The following MYO1F variants were observed in gnomAD, a reference collection of about 807,000 sequenced individuals.
MYO1F encodes the protein unconventional myosin-If.
A neutral mutation model predicts 146.6 loss-of-function variants in MYO1F; 60 were observed. The ratio of observed to expected loss-of-function variants is 0.41; its 90% confidence interval spans 0.33 to 0.51. MYO1F has a LOEUF of 0.51. Ranked by LOEUF, MYO1F falls within the 20% of genes least tolerant of loss-of-function variation. The probability of loss-of-function intolerance (pLI) is 0.25; values close to 1 mark genes in which losing one functional copy is unlikely to be tolerated. For synonymous variants in MYO1F, 602 were observed against 602.1 expected (o/e 1.00, Z 0.00); for missense variants, 1,274 against 1,534.3 (o/e 0.83, Z 2.83).
intron 21 of MYO1F, among the ~76,000 whole-genome samples, chr19:8,529,476 T>C (rs1192369006): frequency 6.6e-6 from 1 of 152,050 alleles, no homozygotes; most frequent in African/African-American, 2.4e-5. Flanking sequence ...ATGCCAAGCA[T>C]GAATGCACGG....
In MYO1F at chr19:8,536,541, G is replaced by A. The variant is rs1212225580; in HGVS notation, c.1856C>T (p.Ala619Val). The change falls in exon 18 of 28, where the codon GCC becomes GTC. Residue 619 changes from alanine (A) to valine (V), a missense_variant. Ala to Val is a moderately conservative substitution (Grantham distance 64). Coordinates refer to ENST00000644032, the MANE Select transcript of MYO1F (RefSeq NM_012335.4). The part of the protein sequence containing the change: ...GLKENIRVRR[A>V]GFAYRRQFAK... ...GAACTGGCGGCGGTAGGCGAAGCCG[G>A]CTCTGCGCACCCTGATGTTCTCCTT... 1.2e-6 allele frequency: 2 copies of A among 1,612,414 alleles called. No homozygotes were observed. Among genetic ancestry groups the A allele is most frequent in the African/African-American group, 1.3e-5 (1 of 74,418 alleles).
Position 8,577,314 on chromosome 19 carries a change from G to C in MYO1F, c.-5C>G, listed in dbSNP as rs1287242053. On this transcript the variant is annotated 5_prime_UTR_variant, in exon 1 of 28. Transcript: ENST00000644032. The surrounding 1 kb of genome is among the most constrained non-coding windows in gnomAD (Gnocchi z 4.3). ...CACCCTTGAAGGACTTACCATGGTG[G>C]GGGGCTGGTGTCTGGGCTCCTGGAG... 7.4e-6 allele frequency: 12 copies of C among 1,613,874 alleles called. No homozygotes were observed. The Admixed American group carries it at 8.3e-5, about 11-fold the overall frequency.
chr19:8,529,017 T>C (rs1972378299), intron 21 of MYO1F, among the ~76,000 whole-genome samples: 1 of 152,128 alleles, frequency 6.6e-6, no homozygotes, highest in African/African-American at 2.4e-5. Flanking sequence ...TGAGAGGGCA[T>C]ACCTGCCACA....
intron 19 of MYO1F, among the ~76,000 whole-genome samples, chr19:8,532,096 C>T (rs1040376247): frequency 3.3e-5 from 5 of 150,636 alleles, no homozygotes; most frequent in Admixed American, 2.7e-4. Flanking sequence ...CCAGCCTGGG[C>T]GACAGAGTGA....
At chr19:8,532,903 T>TAC (rs60799506) in intron 19 of MYO1F, among the ~76,000 whole-genome samples, 11,708 of 112,558 alleles carry the variant, frequency 0.1, 830 homozygotes, top group Middle Eastern at 0.22. Flanking sequence ...AAAAAAAAAA[T>TAC]ACACACACAC....
At chr19:8,543,313 G>A (rs912658497) in intron 14 of MYO1F, among the ~76,000 whole-genome samples, 1 of 152,162 alleles carries the variant, frequency 6.6e-6, no homozygotes, top group Non-Finnish European at 1.5e-5. Flanking sequence ...GGGGCTGCGG[G>A]CATGGTTAGA....
rs755770493 is a variant in MYO1F, at chr19:8,530,274, G to C, written c.2250C>G (p.Pro750=). ...TCTTGCCCAGGAACTGACGCAGCTC[G>C]GGCCGCTCCTCCAGCCCCAGGTAGT... ...VGDYLGLEER[P]ELRQFLGKRE... is the part of the protein sequence containing the mutation. The change falls in exon 21 of 28, where the codon CCC becomes CCG. Residue 750 remains proline (P), a synonymous_variant. Transcript: ENST00000644032. The surrounding 1 kb of genome is among the most constrained non-coding windows in gnomAD (Gnocchi z 5.8). 1.4e-5 allele frequency: 22 copies of C among 1,614,108 alleles called. No individual in the cohort carries two copies. The highest frequency in any genetic ancestry group is 8.0e-5 in the African/African-American group (6 of 75,022).
At chr19:8,532,949 C>CACAA (rs1568337800) in intron 19 of MYO1F, among the ~76,000 whole-genome samples, 32 of 139,386 alleles carry the variant, frequency 2.3e-4, no homozygotes, top group African/African-American at 8.0e-4. Context: ...CACACACACA[C>CACAA]AATTGGGCTT....
chr19:8,556,887 CAA>C (rs534645939), intron 1 of MYO1F, among the ~76,000 whole-genome samples: 1,218 of 68,808 alleles, frequency 0.018, 7 homozygotes, highest in African/African-American at 0.038. Flanking sequence ...AACTCTGTCT[CAA>C]AAAAAAAAAA....
chr19:8,537,647 T>C (rs912810641), intron 16 of MYO1F, among the ~76,000 whole-genome samples: 3 of 152,114 alleles, frequency 2.0e-5, no homozygotes, highest in Admixed American at 6.6e-5. Context: ...TTGGTCAGGC[T>C]GGTCATGAAC....
chr19:8,552,901 G>T (rs887426737), intron 6 of MYO1F, among the ~76,000 whole-genome samples: 3 of 152,186 alleles, frequency 2.0e-5, no homozygotes, highest in African/African-American at 7.2e-5. Flanking sequence ...GCAGCCGGGG[G>T]AGCATTTAAG....
At chr19:8,564,406 T>C (rs1408835123) in intron 1 of MYO1F, among the ~76,000 whole-genome samples, 2 of 150,874 alleles carry the variant, frequency 1.3e-5, no homozygotes, top group African/African-American at 4.9e-5. Flanking sequence ...AAGAAGGAGG[T>C]GCTGACTGGG....
intron 1 of MYO1F, among the ~76,000 whole-genome samples, chr19:8,571,467 T>A (rs1353328373): frequency 6.6e-6 from 1 of 151,858 alleles, no homozygotes; most frequent in Non-Finnish European, 1.5e-5. Context: ...CAGGCTGGAG[T>A]GCAGTGGCAT....
chr19:8,549,848 TG>T, intron 10 of MYO1F: 1 of 459,130 alleles, frequency 2.2e-6, no homozygotes, highest in Non-Finnish European at 4.0e-6. Flanking sequence ...TCACCCAGGC[TG>T]GAGTACAATA....
intron 6 of MYO1F, among the ~76,000 whole-genome samples, chr19:8,552,748 A>C (rs562980220): frequency 2.0e-5 from 3 of 152,100 alleles, no homozygotes; most frequent in Non-Finnish European, 4.4e-5. Context: ...CCCTGAATCC[A>C]TATCTGTTTA....
At chr19:8,527,264 A>G in intron 22 of MYO1F, 74 bp downstream of exon 22, 1 of 1,595,984 alleles carries the variant, frequency 6.3e-7, no homozygotes, top group South Asian at 1.1e-5. Context: ...AGGGTAACAG[A>G]CGGGGTCACT....
chr19:8,560,159 G>A (rs1974024518), intron 1 of MYO1F, among the ~76,000 whole-genome samples: 1 of 151,438 alleles, frequency 6.6e-6, no homozygotes, highest in South Asian at 2.1e-4. Flanking sequence ...CCAAGGGTGT[G>A]GGGTTTGAAC....
rs181782932 is a variant in MYO1F at position 8,574,983 on chromosome 19, T to C, written c.3+2324A>G. Among the ~76,000 whole-genome samples, 462 of 152,038 alleles carry C rather than the reference T, an allele frequency of 3.0e-3. 2 individuals carry two copies. The highest frequency in any genetic ancestry group is 9.6e-3 in the African/African-American group (399 of 41,494). ...GTTGGCCAGGCTGGTCTTGAACTCT[T>C]GACCTCAGGTGATCCGCCCACCTCG... On this transcript the variant is annotated intron_variant, in intron 1 of 27. Coordinates refer to ENST00000644032, the MANE Select transcript of MYO1F (RefSeq NM_012335.4).
At chr19:8,561,426 TCTCCTCTCCCTCCCTTCCTTC>T (rs1274355430) in intron 1 of MYO1F, among the ~76,000 whole-genome samples, 1,355 of 69,820 alleles carry the variant, frequency 0.019, 9 homozygotes, top group Admixed American at 0.032. Context: ...TCCCTTCCTT[TCTCCTCTCCCTCCCTTCCTTC>T]CTCCCTCTCT....
Sources: allele counts gnomAD v4.1 joint callset (sites outside exome capture counted in the v4.1 genomes callset), GRCh38; gene constraint gnomAD v4.1.1; non-coding constraint Gnocchi (gnomAD v3.1); transcripts MANE v1.5; gene names NCBI Gene and HGNC (gene_info 2026-07-23, HGNC 2026-07-21).